The following DCDC1 variants were observed in gnomAD, a reference collection of about 807,000 sequenced individuals.
DCDC1 encodes the protein doublecortin domain containing 1.
In DCDC1, 200 loss-of-function variants were observed where a neutral mutation model predicts 178.3. That is an observed-to-expected ratio of 1.12 (90% CI 1.00 to 1.26). The LOEUF (loss-of-function observed/expected upper bound fraction) is 1.26, where lower values mean the gene tolerates loss of function less well. Among genes scored for constraint, DCDC1 ranks in the 50% most tolerant of loss-of-function variants. The pLI is 0.00. For synonymous variants in DCDC1, 690 were observed against 604.8 expected (o/e 1.14, Z -2.07); for missense variants, 1,983 against 1,749.2 (o/e 1.13, Z -2.38).
intron 25 of DCDC1, among the ~76,000 whole-genome samples, chr11:30,918,990 C>T (rs1013394734): frequency 3.3e-5 from 5 of 152,064 alleles, no homozygotes; most frequent in African/African-American, 1.2e-4. Flanking sequence ...TTATGCATGT[C>T]CCTCCTTAAA....
At chr11:31,098,836 T>C (rs1279696355) in intron 15 of DCDC1, among the ~76,000 whole-genome samples, 2 of 152,228 alleles carry the variant, frequency 1.3e-5, no homozygotes, top group African/African-American at 4.8e-5. Context: ...GAAGAGCTGT[T>C]TGTCTTTGAA....
chr11:31,107,631 A>G (rs1473711131), intron 12 of DCDC1, among the ~76,000 whole-genome samples: 1 of 152,216 alleles, frequency 6.6e-6, no homozygotes, highest in Non-Finnish European at 1.5e-5. Flanking sequence ...TTGCATTTAG[A>G]GTCTCTAAAT....
intron 9 of DCDC1, among the ~76,000 whole-genome samples, chr11:31,228,439 T>G (rs1449876358): frequency 6.6e-6 from 1 of 152,096 alleles, no homozygotes; most frequent in Non-Finnish European, 1.5e-5. Context: ...TTTATAGCAT[T>G]AAATGCTTAC....
At position 31,346,030 on chromosome 11, in the gene DCDC1, T is replaced by C. The variant is rs1591820915; in HGVS notation, c.-124-10466A>G. ...AGGACAACTAGAAATTGCTTCTCCT[T>C]GTGTAATTCCACAGGAATTATAAAC... On this transcript the variant is annotated intron_variant, in intron 1 of 38. Transcript: ENST00000684477. Among the ~76,000 whole-genome samples, 3 of 152,294 alleles carry C rather than the reference T, an allele frequency of 2.0e-5. No homozygotes were observed. The Middle Eastern group carries it at 0.01, about 518-fold the overall frequency.
chr11:31,281,676 T>A (rs1015976922), intron 7 of DCDC1, among the ~76,000 whole-genome samples: 4 of 152,108 alleles, frequency 2.6e-5, no homozygotes, highest in African/African-American at 9.7e-5. Flanking sequence ...AATTGAATCA[T>A]GGGGGCAGTT....
At chr11:31,261,623 T>C (rs7116443) in intron 8 of DCDC1, among the ~76,000 whole-genome samples, 45,173 of 152,032 alleles carry the variant, frequency 0.3, 8,154 homozygotes, top group East Asian at 0.63. Flanking sequence ...ATGATGTGCA[T>C]AGGCTATATG....
intron 2 of DCDC1, among the ~76,000 whole-genome samples, chr11:31,330,157 T>A (rs953387137): frequency 7.2e-5 from 11 of 152,242 alleles, no homozygotes; most frequent in African/African-American, 2.7e-4. Flanking sequence ...CCAGTGATGA[T>A]GAGCATTTTT....
At chr11:31,263,261 T>C (rs931397711) in intron 8 of DCDC1, among the ~76,000 whole-genome samples, 3 of 152,238 alleles carry the variant, frequency 2.0e-5, no homozygotes, top group African/African-American at 7.2e-5. Flanking sequence ...GAAAATATGT[T>C]GTTTATTTTT....
chr11:31,326,197 C>T (rs984268491), intron 3 of DCDC1, among the ~76,000 whole-genome samples: 6 of 151,874 alleles, frequency 4.0e-5, no homozygotes, highest in African/African-American at 1.5e-4. Flanking sequence ...AAAAGAAGCA[C>T]ATTGAAACAA....
chr11:31,008,015 C>A (rs1590739792), intron 20 of DCDC1, among the ~76,000 whole-genome samples: 1 of 152,062 alleles, frequency 6.6e-6, no homozygotes, highest in East Asian at 1.9e-4. Flanking sequence ...CTGGAAGTAG[C>A]AGAGAAAACC....
At chr11:30,908,349 T>C (rs1298284220) in intron 29 of DCDC1, among the ~76,000 whole-genome samples, 2 of 152,118 alleles carry the variant, frequency 1.3e-5, no homozygotes, top group African/African-American at 4.8e-5. Flanking sequence ...TTAAGGGGCA[T>C]TCAATATGAA....
intron 8 of DCDC1, among the ~76,000 whole-genome samples, chr11:31,252,927 C>T (rs1944151928): frequency 6.6e-6 from 1 of 151,982 alleles, no homozygotes; most frequent in Non-Finnish European, 1.5e-5. Flanking sequence ...TTTTGGTGAT[C>T]ACCAAAGGCC....
chr11:31,273,333 C>G (rs1449598418), intron 7 of DCDC1, among the ~76,000 whole-genome samples: 3 of 152,174 alleles, frequency 2.0e-5, no homozygotes, highest in African/African-American at 7.2e-5. Context: ...TAACGGTACC[C>G]AAGTCACATC....
intron 20 of DCDC1, among the ~76,000 whole-genome samples, chr11:30,992,218 A>T (rs1228625421): frequency 6.6e-6 from 1 of 152,190 alleles, no homozygotes; most frequent in Admixed American, 6.5e-5. Flanking sequence ...TTTTTCTCTT[A>T]ACAGAAATGT....
intron 20 of DCDC1, among the ~76,000 whole-genome samples, chr11:30,977,435 C>A (rs1950163353): frequency 1.3e-5 from 2 of 152,102 alleles, no homozygotes; most frequent in East Asian, 1.9e-4. Context: ...ATCACATGTA[C>A]TTCATAAATA....
In DCDC1 at chr11:31,082,963, C is replaced by T. The variant is rs546461108; in HGVS notation, c.2238-5038G>A. Among the ~76,000 whole-genome samples the T allele has an allele frequency of 7.9e-5, 12 of 152,292 alleles. No homozygotes were observed. The South Asian group carries it at 2.3e-3, about 29-fold the overall frequency. On this transcript the variant is annotated intron_variant, in intron 17 of 38. Transcript: ENST00000684477. Reference sequence around the variant, plus strand: ...CAGTAATCCACATAGTGTGAAATTACACATGGACAACTTTCTATTTGATGT... The same window carrying T: ...CAGTAATCCACATAGTGTGAAATTATACATGGACAACTTTCTATTTGATGT...
chr11:30,907,806 G>A (rs563589074), intron 29 of DCDC1, among the ~76,000 whole-genome samples: 38 of 152,056 alleles, frequency 2.5e-4, no homozygotes, highest in Non-Finnish European at 4.1e-4. Context: ...TCTAATCGCC[G>A]GCTCGCCAAG....
chr11:31,361,207 T>TA (rs1348223342), intron 1 of DCDC1, among the ~76,000 whole-genome samples: 1 of 152,188 alleles, frequency 6.6e-6, no homozygotes, highest in Admixed American at 6.5e-5. Context: ...AAGTAGCATG[T>TA]AAAAAATCCA....
chr11:30,959,830 T>A (rs556930886), intron 20 of DCDC1, among the ~76,000 whole-genome samples: 1 of 152,296 alleles, frequency 6.6e-6, no homozygotes, highest in African/African-American at 2.4e-5. Flanking sequence ...CAAACCTGGA[T>A]GAAACGTGTC....
Sources: allele counts gnomAD v4.1 joint callset (sites outside exome capture counted in the v4.1 genomes callset), GRCh38; gene constraint gnomAD v4.1.1; transcripts MANE v1.5; gene names NCBI Gene and HGNC (gene_info 2026-07-23, HGNC 2026-07-21).